RIMKLA: variants seen among roughly 807,000 people sequenced by gnomAD.
RIMKLA encodes the protein ribosomal modification protein rimK like family member A.
Under a neutral mutation model 32.7 loss-of-function variants are expected in RIMKLA, and 14 were observed. The ratio of observed to expected loss-of-function variants is 0.43; its 90% confidence interval spans 0.28 to 0.67. The LOEUF is 0.67. Among genes scored for constraint, RIMKLA ranks in the 30% least tolerant of loss-of-function variants. The pLI is 0.18. For synonymous variants in RIMKLA, 176 were observed against 204.1 expected (o/e 0.86, Z 1.18); for missense variants, 410 against 519.0 (o/e 0.79, Z 2.04).
chr1:42,387,234 GTTTA>G (rs779828065), intron 1 of RIMKLA, among the ~76,000 whole-genome samples: 1 of 151,586 alleles, frequency 6.6e-6, no homozygotes, highest in African/African-American at 2.4e-5. Flanking sequence ...CAGTGAGACT[GTTTA>G]TTTATTTATT....
chr1:42,397,238 T>G (rs763013225), intron 1 of RIMKLA, among the ~76,000 whole-genome samples: 2 of 152,174 alleles, frequency 1.3e-5, no homozygotes, highest in Non-Finnish European at 2.9e-5. Context: ...AGTAGTTTTG[T>G]GGGTGTTTTG....
intron 1 of RIMKLA, among the ~76,000 whole-genome samples, chr1:42,393,636 CTG>C (rs1013172629): frequency 4.1e-5 from 6 of 147,282 alleles, no homozygotes; most frequent in African/African-American, 1.5e-4. Flanking sequence ...ATAAAAATAA[CTG>C]TTTTACGAGA....
intron 1 of RIMKLA, among the ~76,000 whole-genome samples, chr1:42,397,723 T>TA (rs919039921): frequency 3.3e-4 from 50 of 149,566 alleles, no homozygotes; most frequent in African/African-American, 9.1e-4. Flanking sequence ...ATCCTGTGTC[T>TA]AAAAAAAAAA....
At chr1:42,399,369 C>A (rs1447775813) in intron 1 of RIMKLA, 35 bp from the exon 2 acceptor site, 1 of 1,429,992 alleles carries the variant, frequency 7.0e-7, no homozygotes, top group East Asian at 2.3e-5. Flanking sequence ...TAAACGATAG[C>A]AGGCACAGCA....
At position 42,416,097 on chromosome 1, in the gene RIMKLA, G is replaced by GGGGC. The variant is rs1557759914; in HGVS notation, c.*1124_*1125insGGCG. The GGGGC allele has an allele frequency of 6.1e-5, 8 of 130,098 alleles. No homozygotes were observed. The highest frequency in any genetic ancestry group is 2.3e-4 in the Admixed American group (3 of 12,800). 8.1% of individuals were successfully genotyped at this position (130,098 alleles called of 1,614,324 possible). A position where few individuals can be genotyped will look rare whatever the true frequency, so the allele number is the denominator to read the frequency against. On this transcript the variant is annotated 3_prime_UTR_variant, in exon 5 of 5. Transcript: ENST00000431473. ...CCATTGCACATTTTGCGGGGGGGGG[G>GGGGC]GCTAATGTAGACATGACACCAAGTG...
intron 1 of RIMKLA, among the ~76,000 whole-genome samples, chr1:42,394,616 G>A: frequency 6.6e-6 from 1 of 152,188 alleles, no homozygotes; most frequent in East Asian, 1.9e-4. Flanking sequence ...TATGATGATT[G>A]AGAATGGTTA....
intron 1 of RIMKLA, among the ~76,000 whole-genome samples, chr1:42,388,475 G>T (rs560202817): frequency 7.3e-4 from 111 of 151,272 alleles, no homozygotes; most frequent in African/African-American, 2.6e-3. Flanking sequence ...AAAGTGCTAG[G>T]ATTACAGGCA....
intron 3 of RIMKLA, among the ~76,000 whole-genome samples, chr1:42,408,558 G>T (rs1249069556): frequency 6.6e-6 from 1 of 152,034 alleles, no homozygotes; most frequent in Non-Finnish European, 1.5e-5. Context: ...AGTAGCTGGG[G>T]TTATAGGCAT....
In RIMKLA at chr1:42,416,087, C is replaced by CCG. The variant is rs1553177703; in HGVS notation, c.*1113_*1114insCG. 2 of 95,694 alleles carry CCG rather than the reference C, an allele frequency of 2.1e-5. No individual in the cohort carries two copies. The highest frequency in any genetic ancestry group is 4.9e-5 in the Non-Finnish European group (2 of 40,582). 5.9% of individuals were successfully genotyped at this position (95,694 alleles called of 1,614,324 possible). A position where few individuals can be genotyped will look rare whatever the true frequency, so the allele number is the denominator to read the frequency against. On this transcript the variant is annotated 3_prime_UTR_variant, in exon 5 of 5. Coordinates refer to ENST00000431473, the MANE Select transcript of RIMKLA (RefSeq NM_173642.4). ...CAGGAATTACCCATTGCACATTTTG[C>CCG]GGGGGGGGGGGCTAATGTAGACATG... is the stretch of plus-strand genomic sequence containing the variant.
chr1:42,415,880 C>A lies in RIMKLA; in HGVS notation c.*906C>A, dbSNP rs1422999566. Reference sequence around the variant, plus strand: ...ACTTGGAGATCATCATTCTTCCCCTCCTCTACTGAAACTTTGTGTACTGCT... The same window carrying A: ...ACTTGGAGATCATCATTCTTCCCCTACTCTACTGAAACTTTGTGTACTGCT... On this transcript the variant is annotated 3_prime_UTR_variant, in exon 5 of 5. Coordinates refer to ENST00000431473, the MANE Select transcript of RIMKLA (RefSeq NM_173642.4). 1 of 152,188 alleles carries A rather than the reference C, an allele frequency of 6.6e-6. No individual in the cohort carries two copies. The highest frequency in any genetic ancestry group is 1.5e-5 in the Non-Finnish European group (1 of 68,042). The allele number at this position is 152,188 out of a possible 1,614,324, so 9.4% of individuals were successfully genotyped here. A position where few individuals can be genotyped will look rare whatever the true frequency, so the allele number is the denominator to read the frequency against.
rs920948116 is a variant in RIMKLA, at chr1:42,415,355, A to G, written c.*381A>G. 1.9e-5 allele frequency: 4 copies of G among 205,876 alleles called. No individual in the cohort carries two copies. The highest frequency in any genetic ancestry group is 3.0e-5 in the Non-Finnish European group (3 of 101,424). 12.8% of individuals were successfully genotyped at this position (205,876 alleles called of 1,614,324 possible). The stretch of plus-strand genomic sequence containing the variant: ...AACCACGGGATGGAAGCATGTGCAG[A>G]CGAGGTGGAATGTGACTGCAGTAAT... On this transcript the variant is annotated 3_prime_UTR_variant, in exon 5 of 5. Transcript: ENST00000431473.
chr1:42,403,090 C>T (rs929997993), intron 2 of RIMKLA, among the ~76,000 whole-genome samples: 17 of 152,116 alleles, frequency 1.1e-4, no homozygotes, highest in African/African-American at 3.9e-4. Context: ...ACAAAAAGAA[C>T]CTCTAAGCAG....
Position 42,410,186 on chromosome 1 carries a change from C to T in RIMKLA, c.684C>T (p.Leu228=), listed in dbSNP as rs184878888. 5.5e-5 allele frequency: 89 copies of T among 1,613,682 alleles called. No individual in the cohort carries two copies. The highest frequency in any genetic ancestry group is 1.6e-4 in the Middle Eastern group (1 of 6,062). ...GACGGATGCAGAGCAACTGCTCTCT[C>T]GGTAAGGTATAAAAGCACAGGGTTT... ...TDGRMQSNCS[L]GGVGVKCPLT... The change falls in exon 4 of 5, where the codon CTC becomes CTT. Residue 228 remains leucine, a splice_region_variant and synonymous_variant. Transcript: ENST00000431473.
rs960573508 is a variant in RIMKLA at position 42,415,240 on chromosome 1, C to T, written c.*266C>T. On this transcript the variant is annotated 3_prime_UTR_variant, in exon 5 of 5. Coordinates refer to ENST00000431473, the MANE Select transcript of RIMKLA (RefSeq NM_173642.4). ...GTGAGCACGTGGATATTACGGCTGACGCTAAGGCACTGACTCTGCTGTTGC... is the reference window on the plus strand; with the variant it reads ...GTGAGCACGTGGATATTACGGCTGATGCTAAGGCACTGACTCTGCTGTTGC... 6.0e-5 allele frequency: 22 copies of T among 369,384 alleles called. No homozygotes were observed. Among genetic ancestry groups the T allele is most frequent in the East Asian group, 1.9e-4 (4 of 20,946 alleles). 22.9% of individuals were successfully genotyped at this position (369,384 alleles called of 1,614,324 possible).
intron 3 of RIMKLA, among the ~76,000 whole-genome samples, chr1:42,408,878 C>G (rs1382380650): frequency 6.6e-6 from 1 of 152,046 alleles, no homozygotes; most frequent in Non-Finnish European, 1.5e-5. Flanking sequence ...CTTATCAGAA[C>G]CTCTGCTCAG....
chr1:42,383,481 T>C (rs996010720), intron 1 of RIMKLA, among the ~76,000 whole-genome samples: 2 of 152,220 alleles, frequency 1.3e-5, no homozygotes, highest in African/African-American at 4.8e-5. Context: ...CAATACATAT[T>C]TTTTTAAATG....
At chr1:42,397,618 G>C (rs1005920601) in intron 1 of RIMKLA, among the ~76,000 whole-genome samples, 2 of 152,058 alleles carry the variant, frequency 1.3e-5, no homozygotes, top group Non-Finnish European at 2.9e-5. Context: ...CCAACTACTT[G>C]GAAAGCTGAG....
intron 1 of RIMKLA, among the ~76,000 whole-genome samples, chr1:42,390,206 T>C (rs1642988917): frequency 6.6e-6 from 1 of 152,114 alleles, no homozygotes; most frequent in Admixed American, 6.6e-5. Context: ...CTCAGCTATT[T>C]TCTGTATTTC....
At chr1:42,383,025 A>T (rs1300638745) in intron 1 of RIMKLA, among the ~76,000 whole-genome samples, 9 of 148,836 alleles carry the variant, frequency 6.0e-5, no homozygotes, top group South Asian at 4.3e-4. Flanking sequence ...TTTTTTTTTT[A>T]ATTTTTATTT....
Sources: gnomAD v4.1 joint callset for allele counts (sites outside exome capture counted in the v4.1 genomes callset) on GRCh38, gnomAD v4.1.1 for gene constraint, MANE v1.5 for transcripts, NCBI Gene and HGNC (gene_info 2026-07-23, HGNC 2026-07-21) for gene names.